Variants in KCNQ1 observed in about 807,000 individuals in gnomAD.
KCNQ1 encodes potassium voltage-gated channel subfamily Q member 1.
KCNQ1 carries 49 observed loss-of-function variants against 72.4 expected under a neutral mutation model. The ratio of observed to expected loss-of-function variants is 0.68; its 90% CI spans 0.54 to 0.86. KCNQ1 has a LOEUF of 0.86. KCNQ1 is among the 40% of genes least tolerant of loss of function. The pLI is 0.00. For synonymous variants in KCNQ1, 450 were observed against 412.6 expected, an observed-to-expected ratio of 1.09 and a Z score of -1.10; for missense variants, 790 against 945.1, an observed-to-expected ratio of 0.84 and a Z score of 2.15.
At chr11:2,643,612 T>A (rs1564843094) in intron 10 of KCNQ1, 1 of 398,440 alleles carries the variant, frequency 2.5e-6, no homozygotes, top group Non-Finnish European at 4.4e-6. Flanking sequence ...TCAGCCAGTC[T>A]GTCTTTTAAG....
Position 2,645,233 on chromosome 11 carries a change from C to T in KCNQ1, c.1394-16728C>T. 5.0e-6 allele frequency: 2 copies of T among 398,630 alleles called. No individual in the cohort carries two copies. Among genetic ancestry groups the T allele is most frequent in the Non-Finnish European group, 8.8e-6 (2 of 226,152 alleles). 24.7% of individuals were successfully genotyped at this position (398,630 alleles called of 1,614,324 possible). Reference sequence around the variant, plus strand: ...TCCCAAGGCCCACAGGTGGCAAATTCAAGTGAATGCCAGTTGTGGTGGTAA... The same window carrying T: ...TCCCAAGGCCCACAGGTGGCAAATTTAAGTGAATGCCAGTTGTGGTGGTAA... On this transcript the variant is annotated intron_variant, in intron 10 of 15. Transcript: ENST00000155840. This position sits in a 1 kb window ranked among gnomAD's most constrained non-coding sequence, Gnocchi z 5.8.
Position 2,784,541 on chromosome 11 carries a change from G to A in KCNQ1, c.1794+6504G>A, listed in dbSNP as rs542972377. ...CTATGAATTTCCATATAAATTTTAGGTTCAACCTGTCAATTAAAAAAGAAG... is the reference window on the plus strand; with the variant it reads ...CTATGAATTTCCATATAAATTTTAGATTCAACCTGTCAATTAAAAAAGAAG... On this transcript the variant is annotated intron_variant, in intron 15 of 15. Transcript: ENST00000155840. This position sits in a 1 kb window ranked among gnomAD's most constrained non-coding sequence, Gnocchi z 4.7. Among the ~76,000 whole-genome samples, 2 of 151,622 alleles carry A rather than the reference G, an allele frequency of 1.3e-5. No homozygotes were observed. Among genetic ancestry groups the A allele is most frequent in the African/African-American group, 4.8e-5 (2 of 41,332 alleles).
Position 2,550,608 on chromosome 11 carries a change from G to A in KCNQ1, c.478-20020G>A, listed in dbSNP as rs1028223961. Among the ~76,000 whole-genome samples, 1 of 152,216 alleles carries A rather than the reference G, an allele frequency of 6.6e-6. No individual in the cohort carries two copies. Among genetic ancestry groups the A allele is most frequent in the Non-Finnish European group, 1.5e-5 (1 of 68,028 alleles). ...CAACACGTGAGCTGAGTGACCGGAA[G>A]AGGGGGCGCCTCCCTGAGCAGGTGA... On this transcript the variant is annotated intron_variant, in intron 2 of 15. Coordinates refer to ENST00000155840, the MANE Select transcript of KCNQ1 (RefSeq NM_000218.3). The surrounding 1 kb of genome is among the most constrained non-coding windows in gnomAD (Gnocchi z 6.0).
chr11:2,796,357 C>T (rs1847130766), intron 15 of KCNQ1, among the ~76,000 whole-genome samples: 1 of 152,218 alleles, frequency 6.6e-6, no homozygotes, highest in African/African-American at 2.4e-5. Context: ...CGGCTCCTCC[C>T]AAACTGAGGA....
At chr11:2,531,071 A>AGGTG (rs1847616636) in intron 2 of KCNQ1, among the ~76,000 whole-genome samples, 1 of 152,140 alleles carries the variant, frequency 6.6e-6, no homozygotes, top group Admixed American at 6.5e-5. Flanking sequence ...ACAGCGTCCA[A>AGGTG]GTTCAGGTCC....
chr11:2,484,321 G>A lies in KCNQ1; in HGVS notation c.386+38837G>A, dbSNP rs1343476528. On this transcript the variant is annotated intron_variant, in intron 1 of 15. Transcript: ENST00000155840. This position sits in a 1 kb window ranked among gnomAD's most constrained non-coding sequence, Gnocchi z 5.2. ...TGGGATTACAGGCACGTACCACCACGCCCAACTAATATTTTGTATTTTTAG... is the reference window on the plus strand; with the variant it reads ...TGGGATTACAGGCACGTACCACCACACCCAACTAATATTTTGTATTTTTAG... Among the ~76,000 whole-genome samples the A allele has an allele frequency of 6.6e-6, 1 of 151,972 alleles. No individual in the cohort carries two copies. The highest frequency in any genetic ancestry group is 1.5e-5 in the Non-Finnish European group (1 of 68,006).
chr11:2,662,562 G>A (rs996867497), intron 11 of KCNQ1: 3 of 427,490 alleles, frequency 7.0e-6, no homozygotes, highest in African/African-American at 4.0e-5. Flanking sequence ...CTTCCCCTGA[G>A]GCACAGCTGG....
At position 2,659,280 on chromosome 11, in the gene KCNQ1, C is replaced by T. The variant is rs1849908828; in HGVS notation, c.1394-2681C>T. Reference sequence around the variant, plus strand: ...AAGTCAAGTACTTCTCCCCTAACCACTGGCAGCTATTGATCTGTTTTATGT... The same window carrying T: ...AAGTCAAGTACTTCTCCCCTAACCATTGGCAGCTATTGATCTGTTTTATGT... On this transcript the variant is annotated intron_variant, in intron 10 of 15. Transcript: ENST00000155840. The surrounding 1 kb of genome is among the most constrained non-coding windows in gnomAD (Gnocchi z 4.3). The T allele has an allele frequency of 2.5e-6, 1 of 398,514 alleles. No individual in the cohort carries two copies. The highest frequency in any genetic ancestry group is 4.4e-6 in the Non-Finnish European group (1 of 226,064). The allele number at this position is 398,514 out of a possible 1,614,324, so 24.7% of individuals were successfully genotyped here.
At chr11:2,708,605 G>A (rs1421400211) in intron 11 of KCNQ1, among the ~76,000 whole-genome samples, 2 of 152,054 alleles carry the variant, frequency 1.3e-5, no homozygotes, top group East Asian at 1.9e-4. Flanking sequence ...CTCACCCCAG[G>A]GCCTCTAATT....
At chr11:2,714,117 C>T (rs2133921070) in intron 11 of KCNQ1, among the ~76,000 whole-genome samples, 1 of 152,372 alleles carries the variant, frequency 6.6e-6, no homozygotes, top group Admixed American at 6.5e-5. Context: ...TTGCTGGGGC[C>T]TGCTCCCTGA....
intron 11 of KCNQ1, among the ~76,000 whole-genome samples, chr11:2,744,258 G>C: frequency 6.6e-6 from 1 of 152,248 alleles, no homozygotes; most frequent in Non-Finnish European, 1.5e-5. Context: ...TGCTCAAACA[G>C]GAGACGATGT....
rs1590048829 is a variant in KCNQ1, at chr11:2,715,937, C to T, written c.1515-52907C>T. ...AGAGTGGGAACCATGGTGATGCAAA[C>T]CATAAACCTGTCCCCCACGTCACCT... On this transcript the variant is annotated intron_variant, in intron 11 of 15. Transcript: ENST00000155840. The surrounding 1 kb of genome is among the most constrained non-coding windows in gnomAD (Gnocchi z 4.9). 6.6e-6 allele frequency among the ~76,000 whole-genome samples: 1 copy of T among 152,130 alleles called. No individual in the cohort carries two copies. The highest frequency in any genetic ancestry group is 1.5e-5 in the Non-Finnish European group (1 of 68,026).
At chr11:2,454,630 C>T (rs1354687109) in intron 1 of KCNQ1, among the ~76,000 whole-genome samples, 4 of 152,062 alleles carry the variant, frequency 2.6e-5, no homozygotes, top group African/African-American at 4.8e-5. Context: ...GGAGGTTTTA[C>T]AAAATATGAT....
intron 15 of KCNQ1, among the ~76,000 whole-genome samples, chr11:2,825,702 C>T (rs762121684): frequency 1.6e-4 from 24 of 152,248 alleles, no homozygotes; most frequent in Non-Finnish European, 2.8e-4. Flanking sequence ...AATTATCCTT[C>T]GCGGAGCTGC....
At chr11:2,551,299 C>T (rs377495589) in intron 2 of KCNQ1, among the ~76,000 whole-genome samples, 7 of 152,180 alleles carry the variant, frequency 4.6e-5, no homozygotes, top group African/African-American at 1.4e-4. Flanking sequence ...GAACCGTGGA[C>T]GTGTTTCCTG....
intron 2 of KCNQ1, among the ~76,000 whole-genome samples, chr11:2,558,137 G>A (rs1400031431): frequency 1.3e-5 from 2 of 152,230 alleles, no homozygotes; most frequent in African/African-American, 2.4e-5. Flanking sequence ...GTTATGAGAC[G>A]TAGGCCCCGC....
rs989948819 is a variant in KCNQ1, at chr11:2,781,356, A to G, written c.1794+3319A>G. On this transcript the variant is annotated intron_variant, in intron 15 of 15. Transcript: ENST00000155840. The surrounding 1 kb of genome is among the most constrained non-coding windows in gnomAD (Gnocchi z 6.6). ...GGGTGGGAGATGAGGTAGAGAGAGC[A>G]AGGAGGGGTTTCATATCACCCAAAG... Among the ~76,000 whole-genome samples the G allele has an allele frequency of 6.6e-6, 1 of 152,168 alleles. No homozygotes were observed. Among genetic ancestry groups the G allele is most frequent in the African/African-American group, 2.4e-5 (1 of 41,452 alleles).
chr11:2,837,944 A>G (rs1848111570), intron 15 of KCNQ1, among the ~76,000 whole-genome samples: 2 of 152,116 alleles, frequency 1.3e-5, no homozygotes, highest in African/African-American at 4.8e-5. Flanking sequence ...GGTGTGGGAG[A>G]TCAGCAGGTG....
Position 2,791,198 on chromosome 11 carries a change from G to A in KCNQ1, c.1794+13161G>A, listed in dbSNP as rs569644832. On this transcript the variant is annotated intron_variant, in intron 15 of 15. Transcript: ENST00000155840. ...ATAGGACAGCAGGCGGCAGGGGCGT[G>A]TCAGGTGCCCGAGCAGGACGGTGGC... Among the ~76,000 whole-genome samples, 7 of 152,378 alleles carry A rather than the reference G, an allele frequency of 4.6e-5. No individual in the cohort carries two copies. In the South Asian group the frequency reaches 1.0e-3, roughly 23 times the overall value.
Sources: gnomAD v4.1 joint callset for allele counts (sites outside exome capture counted in the v4.1 genomes callset) on GRCh38, gnomAD v4.1.1 for gene constraint, Gnocchi (gnomAD v3.1) non-coding constraint, MANE v1.5 for transcripts, NCBI Gene and HGNC (gene_info 2026-07-23, HGNC 2026-07-21) for gene names.